The following TEX9 variants were observed in gnomAD, a reference collection of about 807,000 sequenced individuals.
TEX9 encodes the protein testis-expressed protein 9.
In TEX9, 74 loss-of-function variants were observed where a neutral mutation model predicts 59.6. The observed-to-expected ratio is 1.24, with a 90% CI of 1.03 to 1.51. TEX9 has a LOEUF of 1.51. Ranked by LOEUF, TEX9 falls within the 40% of genes most tolerant of loss-of-function variation. The pLI is 0.00. For synonymous variants in TEX9, 186 were observed against 152.2 expected (o/e 1.22, Z -1.64); for missense variants, 522 against 447.8 (o/e 1.17, Z -1.49).
chr15:56,346,278 T>C (rs532220007), intron 1 of TEX9, among the ~76,000 whole-genome samples: 5 of 152,158 alleles, frequency 3.3e-5, no homozygotes, highest in Admixed American at 1.3e-4. Flanking sequence ...TCAAGTATGA[T>C]TTGGGGTATC....
chr15:56,263,116 C>T (rs1596050096), intron 1 of TEX9, among the ~76,000 whole-genome samples: 6 of 152,088 alleles, frequency 3.9e-5, no homozygotes, highest in South Asian at 4.1e-4. Context: ...CTCTGCCTCC[C>T]GAGTTCAAGC....
intron 12 of TEX9, among the ~76,000 whole-genome samples, chr15:56,438,861 A>T (rs2050772737): frequency 6.6e-6 from 1 of 152,214 alleles, no homozygotes; most frequent in African/African-American, 2.4e-5. Context: ...AAAAGAAGAC[A>T]TTTATGCAGC....
At chr15:56,316,206 C>T (rs1313004514) in intron 1 of TEX9, among the ~76,000 whole-genome samples, 1 of 149,206 alleles carries the variant, frequency 6.7e-6, no homozygotes, top group Non-Finnish European at 1.5e-5. Flanking sequence ...AACTGCGTTC[C>T]TTTGGAGGAG....
At chr15:56,426,306 T>C (rs772676666) in intron 10 of TEX9, among the ~76,000 whole-genome samples, 19 of 151,998 alleles carry the variant, frequency 1.3e-4, no homozygotes, top group Non-Finnish European at 2.6e-4. Flanking sequence ...GGCTTCTTCC[T>C]GACTGTGCTG....
intron 1 of TEX9, among the ~76,000 whole-genome samples, chr15:56,344,883 G>C (rs2046439204): frequency 6.6e-6 from 1 of 151,726 alleles, no homozygotes; most frequent in South Asian, 2.1e-4. Context: ...TTTGTTAGCA[G>C]AACTGTTTGC....
chr15:56,286,426 C>T (rs76267431), intron 1 of TEX9, among the ~76,000 whole-genome samples: 4,051 of 152,142 alleles, frequency 0.027, 68 homozygotes, highest in Non-Finnish European at 0.042. Context: ...GCCACTAGGG[C>T]GGCAGCAGAG....
intron 1 of TEX9, among the ~76,000 whole-genome samples, chr15:56,257,201 A>G (rs1009640171): frequency 1.9e-4 from 29 of 152,090 alleles, no homozygotes; most frequent in African/African-American, 4.8e-4. Context: ...ATGGGCATCT[A>G]GTTGATTCCA....
intron 1 of TEX9, among the ~76,000 whole-genome samples, chr15:56,327,648 C>T (rs1485709364): frequency 6.6e-6 from 1 of 152,162 alleles, no homozygotes; most frequent in Non-Finnish European, 1.5e-5. Context: ...TCCCCCATGC[C>T]ATCACAGCAG....
At chr15:56,291,984 G>T (rs2045105355) in intron 1 of TEX9, among the ~76,000 whole-genome samples, 1 of 152,226 alleles carries the variant, frequency 6.6e-6, no homozygotes, top group Non-Finnish European at 1.5e-5. Context: ...CTAATGTGGT[G>T]ACATGGCTTC....
chr15:56,421,340 AT>A (rs2049967646), intron 10 of TEX9, among the ~76,000 whole-genome samples: 2 of 151,864 alleles, frequency 1.3e-5, no homozygotes, highest in Non-Finnish European at 2.9e-5. Context: ...CAGGTTGAGT[AT>A]CCCTTATCAG....
chr15:56,306,050 C>T (rs2045474986), intron 1 of TEX9, among the ~76,000 whole-genome samples: 2 of 151,912 alleles, frequency 1.3e-5, no homozygotes. Flanking sequence ...ATCAAAACTA[C>T]AATGAGATAA....
intron 1 of TEX9, among the ~76,000 whole-genome samples, chr15:56,329,756 GA>G (rs1441279905): frequency 6.6e-6 from 1 of 151,762 alleles, no homozygotes; most frequent in African/African-American, 2.4e-5. Context: ...GGAGACAAAA[GA>G]AAAAAGAATA....
At chr15:56,453,475 C>T in the TEX9 span, among the ~76,000 whole-genome samples, 1 of 152,010 alleles carries the variant, frequency 6.6e-6, no homozygotes, top group Non-Finnish European at 1.5e-5. Flanking sequence ...CATAATTATA[C>T]TGGTATAAGC....
chr15:56,266,282 A>G (rs2044379676), intron 1 of TEX9, among the ~76,000 whole-genome samples: 1 of 149,852 alleles, frequency 6.7e-6, no homozygotes, highest in Admixed American at 6.6e-5. Context: ...GTGCACCACC[A>G]TGCCTGGCTA....
At chr15:56,323,078 G>T in intron 1 of TEX9, 1 of 190,158 alleles carries the variant, frequency 5.3e-6, no homozygotes, top group South Asian at 1.1e-4. Flanking sequence ...ATGGGTACTG[G>T]ATGACTCTGC....
At chr15:56,360,889 C>G (rs1427655276), upstream of TEX9, among the ~76,000 whole-genome samples, 1 of 152,200 alleles carries the variant, frequency 6.6e-6, no homozygotes, top group Non-Finnish European at 1.5e-5. Flanking sequence ...AATGGGTTTA[C>G]TCTACCTTGC....
At chr15:56,385,061 T>C (rs1234654977) in intron 4 of TEX9, among the ~76,000 whole-genome samples, 1 of 152,158 alleles carries the variant, frequency 6.6e-6, no homozygotes, top group East Asian at 1.9e-4. Flanking sequence ...CTCCATTCTT[T>C]TGCACATGGA....
intron 1 of TEX9, among the ~76,000 whole-genome samples, chr15:56,345,069 A>G (rs1333789363): frequency 6.1e-5 from 7 of 115,416 alleles, no homozygotes; most frequent in African/African-American, 1.9e-4. Context: ...ACACACACAT[A>G]TATATATGTA....
chr15:56,333,144 A>C (rs1199115055), intron 1 of TEX9, among the ~76,000 whole-genome samples: 1 of 152,102 alleles, frequency 6.6e-6, no homozygotes, highest in African/African-American at 2.4e-5. Flanking sequence ...AATAGAGGAG[A>C]GAATACTTCC....
Sources: gnomAD v4.1 joint callset for allele counts (sites outside exome capture counted in the v4.1 genomes callset) on GRCh38, gnomAD v4.1.1 for gene constraint, MANE v1.5 for transcripts, NCBI Gene and HGNC (gene_info 2026-07-23, HGNC 2026-07-21) for gene names.